Variants in LEMD3 observed in about 807,000 individuals in gnomAD.
LEMD3 encodes LEM domain containing 3.
A neutral mutation model predicts 95.2 loss-of-function variants in LEMD3; 33 were observed. The observed-to-expected ratio is 0.35, with a 90% CI of 0.26 to 0.46. The LOEUF (loss-of-function observed/expected upper bound fraction) is 0.46, where lower values mean the gene tolerates loss of function less well. LEMD3 is among the 20% of genes least tolerant of loss of function. The pLI, the probability that LEMD3 is intolerant of heterozygous loss-of-function variation, is 1.00. For missense variants in LEMD3, 1,210 were observed against 1,192.8 expected (o/e 1.01, Z -0.21); for synonymous variants, 525 against 474.6 (o/e 1.11, Z -1.38).
intron 4 of LEMD3, among the ~76,000 whole-genome samples, chr12:65,219,763 C>T (rs901508725): frequency 3.3e-5 from 5 of 152,168 alleles, no homozygotes; most frequent in African/African-American, 1.2e-4. Context: ...CTTCCTCCAT[C>T]AGTGTGATTA....
chr12:65,232,157 T>C (rs1254771539), intron 4 of LEMD3, among the ~76,000 whole-genome samples: 2 of 152,294 alleles, frequency 1.3e-5, no homozygotes, highest in Non-Finnish European at 2.9e-5. Flanking sequence ...TTTAGCACAA[T>C]CTAGCCAAAA....
rs370475138 is a variant in LEMD3 at position 65,172,469 on chromosome 12, C to T, written c.1522+1351C>T. Among the ~76,000 whole-genome samples, 351 of 152,104 alleles carry T rather than the reference C, an allele frequency of 2.3e-3. 1 individual carries two copies. Among genetic ancestry groups the T allele is most frequent in the African/African-American group, 8.1e-3 (336 of 41,480 alleles). ...GCTTAGATTTAGATATAGCCAATTC[C>T]GAGACAGTCAAATAATAGATTTTTA... On this transcript the variant is annotated intron_variant, in intron 1 of 12. Coordinates refer to ENST00000308330, the MANE Select transcript of LEMD3 (RefSeq NM_014319.5).
chr12:65,216,127 T>G, intron 3 of LEMD3, 84 bp downstream of exon 3: 1 of 877,546 alleles, frequency 1.1e-6, no homozygotes, highest in Non-Finnish European at 1.9e-6. Flanking sequence ...TTTTTCCAAG[T>G]CCAGTGTTAT....
chr12:65,202,011 CTTTTT>C (rs534109719), intron 1 of LEMD3, among the ~76,000 whole-genome samples: 1 of 131,670 alleles, frequency 7.6e-6, no homozygotes, highest in Non-Finnish European at 1.6e-5. Context: ...GGGTATTGAA[CTTTTT>C]TTTTTTTTTT....
Position 65,245,677 on chromosome 12 carries a change from G to A in LEMD3, c.2396G>A (p.Gly799Glu). Residue 799 changes from glycine to glutamate, a missense_variant, in exon 11 of 13, where the codon GGG becomes GAG. Around this residue, in one of 2 missense-constraint regions of LEMD3, gnomAD observed 461 missense variants for 569.8 expected, o/e 0.81. Coordinates refer to ENST00000308330, the MANE Select transcript of LEMD3 (RefSeq NM_014319.5). ...RNMFDPVMEI[G>E]DQWHLAIQEA... ...TTTTCATTAACTTTTAGGGAAATAG[G>A]GGATCAGTGGCATTTGGCAATTCAA... The A allele has an allele frequency of 6.2e-7, 1 of 1,612,340 alleles. No individual in the cohort carries two copies. Among genetic ancestry groups the A allele is most frequent in the Non-Finnish European group, 8.5e-7 (1 of 1,178,520 alleles).
intron 1 of LEMD3, among the ~76,000 whole-genome samples, chr12:65,175,485 C>G (rs931313018): frequency 1.1e-4 from 17 of 152,204 alleles, no homozygotes; most frequent in African/African-American, 2.9e-4. Context: ...TCTGCTACCT[C>G]TCTTCTTCAA....
rs147328826 is a variant in LEMD3, at chr12:65,170,466, T to C, written c.870T>C (p.His290=). ...CCCGGCATCGGCCCAGACGAACCCATAGTAAGCCTCTCCCCCCGCTGACTG... is the reference window on the plus strand; with the variant it reads ...CCCGGCATCGGCCCAGACGAACCCACAGTAAGCCTCTCCCCCCGCTGACTG... The part of the protein sequence containing the change: ...SLSRHRPRRT[H]SKPLPPLTAK... Residue 290 remains histidine (H), a synonymous_variant, in exon 1 of 13, where the codon CAT becomes CAC. Transcript: ENST00000308330. 52 of 1,612,792 alleles carry C rather than the reference T, an allele frequency of 3.2e-5. No homozygotes were observed. The highest frequency in any genetic ancestry group is 2.3e-4 in the African/African-American group (17 of 74,434).
intron 2 of LEMD3, among the ~76,000 whole-genome samples, chr12:65,215,343 T>C (rs1451057383): frequency 6.6e-6 from 1 of 152,198 alleles, no homozygotes; most frequent in African/African-American, 2.4e-5. Flanking sequence ...GAGAATCTTC[T>C]GTATTACTCT....
At chr12:65,201,426 G>C (rs1004148542) in intron 1 of LEMD3, among the ~76,000 whole-genome samples, 3 of 152,110 alleles carry the variant, frequency 2.0e-5, no homozygotes, top group Admixed American at 1.3e-4. Flanking sequence ...TCTTATCCAT[G>C]GACATGAACT....
At chr12:65,208,939 T>TC (rs1565789177) in intron 1 of LEMD3, among the ~76,000 whole-genome samples, 3 of 152,220 alleles carry the variant, frequency 2.0e-5, no homozygotes, top group Admixed American at 6.5e-5. Context: ...AAAATTGTTT[T>TC]CCCCCTCTTC....
chr12:65,181,903 T>G (rs57938778), intron 1 of LEMD3, among the ~76,000 whole-genome samples: 44,147 of 151,890 alleles, frequency 0.29, 6,519 homozygotes, highest in Admixed American at 0.36. Flanking sequence ...GTTTTGTTTT[T>G]TTTTTTTAAT....
intron 4 of LEMD3, among the ~76,000 whole-genome samples, chr12:65,226,885 G>T (rs1870463800): frequency 6.6e-6 from 1 of 152,154 alleles, no homozygotes; most frequent in African/African-American, 2.4e-5. Context: ...AATTAAATCA[G>T]TGCCACTCTA....
At chr12:65,189,876 A>G (rs1249436795) in intron 1 of LEMD3, among the ~76,000 whole-genome samples, 2 of 152,148 alleles carry the variant, frequency 1.3e-5, no homozygotes, top group Admixed American at 6.6e-5. Context: ...AAGACTTACC[A>G]GTAGACTTTG....
chr12:65,216,738 G>A (rs1182613207), intron 3 of LEMD3, among the ~76,000 whole-genome samples: 3 of 151,882 alleles, frequency 2.0e-5, no homozygotes, highest in Non-Finnish European at 2.9e-5. Context: ...CAGAACTTTT[G>A]TGTAAACCAG....
Position 65,223,849 on chromosome 12 carries a change from T to G in LEMD3, c.1695+5230T>G, listed in dbSNP as rs572841940. 8.5e-4 allele frequency among the ~76,000 whole-genome samples: 124 copies of G among 145,070 alleles called. 1 individual carries two copies. The highest frequency in any genetic ancestry group is 3.1e-3 in the African/African-American group (119 of 38,512). ...TTTTTGTGTCTTTTTTTTTTTTTTG[T>G]AGTGACAAGCTGTGATTTCTTTCTC... is the stretch of plus-strand genomic sequence containing the variant. On this transcript the variant is annotated intron_variant, in intron 4 of 12. Transcript: ENST00000308330.
chr12:65,236,588 A>G (rs897067758), intron 4 of LEMD3, among the ~76,000 whole-genome samples: 2 of 152,098 alleles, frequency 1.3e-5, no homozygotes, highest in Non-Finnish European at 2.9e-5. Context: ...CAAAAGGGAC[A>G]TAAAGACATA....
chr12:65,200,650 C>A (rs1364656712), intron 1 of LEMD3, among the ~76,000 whole-genome samples: 1 of 152,002 alleles, frequency 6.6e-6, no homozygotes, highest in East Asian at 1.9e-4. Context: ...CTGTTAAGTT[C>A]TTTGGCCCAT....
intron 4 of LEMD3, among the ~76,000 whole-genome samples, chr12:65,231,935 C>T (rs1055349575): frequency 1.3e-5 from 2 of 151,858 alleles, no homozygotes; most frequent in African/African-American, 4.8e-5. Context: ...TGTTTTCTAT[C>T]ACTGAATAAT....
In LEMD3 at chr12:65,246,247, G is replaced by T; in HGVS notation, c.2658G>T (p.Lys886Asn). The T allele has an allele frequency of 1.2e-6, 2 of 1,612,918 alleles. No homozygotes were observed. Among genetic ancestry groups the T allele is most frequent in the Non-Finnish European group, 1.7e-6 (2 of 1,179,116 alleles). Residue 886 changes from lysine (K) to asparagine (N), a missense_variant, in exon 13 of 13, where the codon AAG (lysine) becomes AAT (asparagine). Around this residue, in one of 2 missense-constraint regions of LEMD3, gnomAD observed 461 missense variants for 569.8 expected, o/e 0.81. Transcript: ENST00000308330. ...PQALTSNTPL[K>N]PSNKHMNSMS... is the part of the protein sequence containing the mutation. ...CTCTCACTTCCAACACTCCATTGAA[G>T]CCATCAAATAAACATATGAACTCCA...
Sources: allele counts gnomAD v4.1 joint callset (sites outside exome capture counted in the v4.1 genomes callset), GRCh38; gene constraint gnomAD v4.1.1; regional missense constraint gnomAD v4.1.1; transcripts MANE v1.5; gene names NCBI Gene and HGNC (gene_info 2026-07-23, HGNC 2026-07-21).